NAXD: variants seen among roughly 807,000 people sequenced by gnomAD.
NAXD encodes ATP-dependent (S)-NAD(P)H-hydrate dehydratase.
In NAXD, 22 loss-of-function variants were observed where a neutral mutation model predicts 35.8. The ratio of observed to expected loss-of-function variants is 0.62; its 90% CI spans 0.44 to 0.88. NAXD has a LOEUF of 0.88. Ranked by LOEUF, NAXD falls within the 40% of genes least tolerant of loss-of-function variation. The probability of loss-of-function intolerance (pLI) is 0.00; values close to 1 mark genes in which losing one functional copy is unlikely to be tolerated. For missense variants in NAXD, 428 were observed against 437.7 expected, an observed-to-expected ratio of 0.98 and a Z score of 0.20; for synonymous variants, 189 against 177.6, an observed-to-expected ratio of 1.06 and a Z score of -0.51.
chr13:110,638,274 G>A lies in NAXD; in HGVS notation c.840-104G>A, dbSNP rs907563053. The A allele has an allele frequency of 1.4e-5, 23 of 1,589,058 alleles. No homozygotes were observed. The highest frequency in any genetic ancestry group is 1.5e-5 in the Non-Finnish European group (18 of 1,169,056). On this transcript the variant is annotated intron_variant, in intron 9 of 9. Coordinates refer to ENST00000680254, the MANE Select transcript of NAXD (RefSeq NM_001242882.2). This position sits in a 1 kb window ranked among gnomAD's most constrained non-coding sequence, Gnocchi z 5.4. ...TCAGACTTGAAATTGACAATTTGGG[G>A]TCCTGAGATTGAAACAGGAGTCAAA...
rs545970219 is a variant in NAXD, at chr13:110,632,372, C to T, written c.442-2173C>T. 3.0e-4 allele frequency among the ~76,000 whole-genome samples: 46 copies of T among 152,252 alleles called. 1 individual carries two copies. Among genetic ancestry groups the T allele is most frequent in the African/African-American group, 9.9e-4 (41 of 41,560 alleles). ...CAGTAGCAAGATTTATTGCAAAGAG[C>T]GAAAGAACAAAGTTTCCACAGCGTG... On this transcript the variant is annotated intron_variant, in intron 5 of 9. Coordinates refer to ENST00000680254, the MANE Select transcript of NAXD (RefSeq NM_001242882.2).
chr13:110,631,196 C>T (rs566235958), intron 5 of NAXD, among the ~76,000 whole-genome samples: 3 of 152,350 alleles, frequency 2.0e-5, no homozygotes, highest in African/African-American at 7.2e-5. Flanking sequence ...GCTCTTTGCA[C>T]ACTCGTTAAC....
chr13:110,627,640 T>G lies in NAXD; in HGVS notation c.441+93T>G, dbSNP rs545067600. ...CATTTCTCTTGCATTTTGTGTAGTGTTCCGTGTGCCTCTTTGTGGCATGAT... is the reference window on the plus strand; with the variant it reads ...CATTTCTCTTGCATTTTGTGTAGTGGTCCGTGTGCCTCTTTGTGGCATGAT... On this transcript the variant is annotated intron_variant, in intron 5 of 9. Transcript: ENST00000680254. 21 of 833,658 alleles carry G rather than the reference T, an allele frequency of 2.5e-5. No individual in the cohort carries two copies. In the African/African-American group the frequency reaches 3.2e-4, roughly 13 times the overall value. The allele number at this position is 833,658 out of a possible 1,614,324, so 51.6% of individuals were successfully genotyped here.
intron 1 of NAXD, among the ~76,000 whole-genome samples, chr13:110,616,612 C>T (rs1780146103): frequency 6.6e-6 from 1 of 152,206 alleles, no homozygotes; most frequent in Admixed American, 6.5e-5. Context: ...GTGCTTGGAG[C>T]CCCATCTCTT....
At position 110,634,652 on chromosome 13, in the gene NAXD, C is replaced by T. The variant is rs759931303; in HGVS notation, c.493-20C>T. 14 of 1,613,914 alleles carry T rather than the reference C, an allele frequency of 8.7e-6. No homozygotes were observed. The highest frequency in any genetic ancestry group is 5.0e-5 in the Admixed American group (3 of 60,030). ...TCCCGGAAGGCCTGTGCAGTGAGCACGGCTCCTTGTTCTGTGCAGGATGGC... is the reference window on the plus strand; with the variant it reads ...TCCCGGAAGGCCTGTGCAGTGAGCATGGCTCCTTGTTCTGTGCAGGATGGC... On this transcript the variant is annotated intron_variant, in intron 6 of 9. Coordinates refer to ENST00000680254, the MANE Select transcript of NAXD (RefSeq NM_001242882.2).
chr13:110,637,104 C>T, intron 8 of NAXD, 25 bp from the exon 9 acceptor site: 1 of 1,588,698 alleles, frequency 6.3e-7, no homozygotes, highest in South Asian at 1.1e-5. Context: ...ATGCTGACAC[C>T]TGCTCTCACT....
rs528596156 is a variant in NAXD at position 110,628,363 on chromosome 13, G to A, written c.441+816G>A. Among the ~76,000 whole-genome samples, 1 of 152,210 alleles carries A rather than the reference G, an allele frequency of 6.6e-6. No individual in the cohort carries two copies. Among genetic ancestry groups the A allele is most frequent in the Admixed American group, 6.5e-5 (1 of 15,280 alleles). Reference sequence around the variant, plus strand: ...GCCACAGGGTGCTCACATGTGCAAGGCGTGGTGACTGCATGGGGATCAGAG... The same window carrying A: ...GCCACAGGGTGCTCACATGTGCAAGACGTGGTGACTGCATGGGGATCAGAG... On this transcript the variant is annotated intron_variant, in intron 5 of 9. Coordinates refer to ENST00000680254, the MANE Select transcript of NAXD (RefSeq NM_001242882.2). This position sits in a 1 kb window ranked among gnomAD's most constrained non-coding sequence, Gnocchi z 4.1.
In NAXD at chr13:110,631,416, G is replaced by A. The variant is rs143446138; in HGVS notation, c.442-3129G>A. On this transcript the variant is annotated intron_variant, in intron 5 of 9. Coordinates refer to ENST00000680254, the MANE Select transcript of NAXD (RefSeq NM_001242882.2). The stretch of plus-strand genomic sequence containing the variant: ...TCCATTGCTGAATCAGAGTAAGGAC[G>A]TTTAAATTTTTGAGAGATGCCCCCA... 2.0e-4 allele frequency among the ~76,000 whole-genome samples: 30 copies of A among 152,278 alleles called. No individual in the cohort carries two copies. The East Asian group carries it at 2.1e-3, about 11-fold the overall frequency.
Position 110,634,713 on chromosome 13 carries a change from T to C in NAXD, c.534T>C (p.His178=), listed in dbSNP as rs1886853085. The C allele has an allele frequency of 6.2e-7, 1 of 1,614,172 alleles. No homozygotes were observed. The highest frequency in any genetic ancestry group is 8.5e-7 in the Non-Finnish European group (1 of 1,180,030). ...WLVAQQPALI[H]GYRKAVLTPN... is the part of the protein sequence containing the mutation. ...TCGCTCAGCAGCCGGCCCTCATCCA[T>C]GGCTACCGGAAGGCTGTGCTCACTC... Residue 178 remains histidine (H), a synonymous_variant, in exon 7 of 10, where the codon CAT becomes CAC. Coordinates refer to ENST00000680254, the MANE Select transcript of NAXD (RefSeq NM_001242882.2).
chr13:110,624,298 T>C lies in NAXD; in HGVS notation c.243+19T>C, dbSNP rs776912332. On this transcript the variant is annotated intron_variant, in intron 3 of 9. Coordinates refer to ENST00000680254, the MANE Select transcript of NAXD (RefSeq NM_001242882.2). ...CAAAGTGGTATGTTTACTTAAAATTTCTTTATTGGGATTTTTCTGGTAGAG... is the reference window on the plus strand; with the variant it reads ...CAAAGTGGTATGTTTACTTAAAATTCCTTTATTGGGATTTTTCTGGTAGAG... 4.7e-6 allele frequency: 7 copies of C among 1,504,560 alleles called. No homozygotes were observed. The highest frequency in any genetic ancestry group is 6.5e-6 in the Non-Finnish European group (7 of 1,082,644). 93.2% of individuals were successfully genotyped at this position (1,504,560 alleles called of 1,614,324 possible). A position where few individuals can be genotyped will look rare whatever the true frequency, so the allele number is the denominator to read the frequency against.
At position 110,638,348 on chromosome 13, in the gene NAXD, C is replaced by G; in HGVS notation, c.840-30C>G. 2 of 1,613,980 alleles carry G rather than the reference C, an allele frequency of 1.2e-6. No homozygotes were observed. Among genetic ancestry groups the G allele is most frequent in the Non-Finnish European group, 1.7e-6 (2 of 1,180,004 alleles). On this transcript the variant is annotated intron_variant, in intron 9 of 9. Transcript: ENST00000680254. This position sits in a 1 kb window ranked among gnomAD's most constrained non-coding sequence, Gnocchi z 5.4. ...CCCCCGGACCACGACGCCCACTTCC[C>G]CACACCTCCTGCTGTCCCCCTCTCC...
intron 2 of NAXD, among the ~76,000 whole-genome samples, chr13:110,623,356 A>G (rs1886337853): frequency 6.6e-6 from 1 of 152,226 alleles, no homozygotes. Flanking sequence ...GCATTTGCCC[A>G]TCTGACGGAG....
intron 8 of NAXD, among the ~76,000 whole-genome samples, chr13:110,636,358 T>C (rs1886924114): frequency 6.9e-6 from 1 of 144,514 alleles, no homozygotes; most frequent in Non-Finnish European, 1.5e-5. Context: ...CACATGCACA[T>C]ATGTGCACAC....
intron 8 of NAXD, among the ~76,000 whole-genome samples, chr13:110,635,792 G>T (rs997637702): frequency 3.9e-5 from 6 of 152,258 alleles, no homozygotes; most frequent in Non-Finnish European, 5.9e-5. Flanking sequence ...GGTGACAGTG[G>T]TGAGGGCAGG....
In NAXD at chr13:110,627,478, G is replaced by A. The variant is rs976332651; in HGVS notation, c.372G>A (p.Leu124=). Reference sequence around the variant, plus strand: ...CTGTTCATGAGGTGGAGAAGTGGCTGCCCCGGCTGCATGCTCTTGTCGTAG... The same window carrying A: ...CTGTTCATGAGGTGGAGAAGTGGCTACCCCGGCTGCATGCTCTTGTCGTAG... ...PNAVHEVEKW[L]PRLHALVVGP... The change falls in exon 5 of 10, where the codon CTG becomes CTA. Residue 124 remains leucine, a synonymous_variant. Coordinates refer to ENST00000680254, the MANE Select transcript of NAXD (RefSeq NM_001242882.2). The A allele has an allele frequency of 6.2e-7, 1 of 1,614,068 alleles. No homozygotes were observed. Among genetic ancestry groups the A allele is most frequent in the Non-Finnish European group, 8.5e-7 (1 of 1,179,970 alleles).
At chr13:110,625,322 C>T (rs1886427705) in intron 4 of NAXD, 44 bp downstream of exon 4, 6 of 1,374,288 alleles carry the variant, frequency 4.4e-6, no homozygotes, top group South Asian at 1.2e-5. Flanking sequence ...TCTTTCCCTC[C>T]TGCATCATTT....
At chr13:110,622,418 C>T in intron 2 of NAXD, 52 bp downstream of exon 2, 1 of 1,580,842 alleles carries the variant, frequency 6.3e-7, no homozygotes, top group Non-Finnish European at 8.7e-7. Context: ...TGCTGGCTGG[C>T]TGCTTACCTG....
At chr13:110,637,724 T>G in intron 9 of NAXD, 1 of 460,442 alleles carries the variant, frequency 2.2e-6, no homozygotes, top group Admixed American at 2.3e-5. Context: ...TTCCCATACC[T>G]CTAAGCATCT....
Position 110,615,648 on chromosome 13 carries a change from G to C in NAXD, c.46+1G>C. 6.6e-7 allele frequency: 1 copy of C among 1,504,038 alleles called. No individual in the cohort carries two copies. The highest frequency in any genetic ancestry group is 8.8e-7 in the Non-Finnish European group (1 of 1,132,010). The allele number at this position is 1,504,038 out of a possible 1,614,324, so 93.2% of individuals were successfully genotyped here. A position where few individuals can be genotyped will look rare whatever the true frequency, so the allele number is the denominator to read the frequency against. ...GGGGCAATCCGGGCTTGCAGACGAGGTAAGGTCGATTCCATTTGGCCCGGG... is the reference window on the plus strand; with the variant it reads ...GGGGCAATCCGGGCTTGCAGACGAGCTAAGGTCGATTCCATTTGGCCCGGG... On this transcript the variant is annotated splice_donor_variant, in intron 1 of 9. Coordinates refer to ENST00000680254, the MANE Select transcript of NAXD (RefSeq NM_001242882.2). LOFTEE classifies it high-confidence loss of function.
Sources: allele counts gnomAD v4.1 joint callset (sites outside exome capture counted in the v4.1 genomes callset), GRCh38; gene constraint gnomAD v4.1.1; non-coding constraint Gnocchi (gnomAD v3.1); transcripts MANE v1.5; gene names NCBI Gene and HGNC (gene_info 2026-07-23, HGNC 2026-07-21).